Variants in NTNG1 observed in about 807,000 individuals in gnomAD.
NTNG1 encodes netrin-G1.
A neutral mutation model predicts 54.0 loss-of-function variants in NTNG1; 16 were observed. That is an observed-to-expected ratio of 0.30 (90% CI 0.20 to 0.45). The LOEUF (loss-of-function observed/expected upper bound fraction) is 0.45. Ranked by LOEUF, NTNG1 falls within the 20% of genes least tolerant of loss-of-function variation. The pLI is 1.00. For missense variants in NTNG1, 530 were observed against 678.7 expected, an observed-to-expected ratio of 0.78 and a Z score of 2.43; for synonymous variants, 255 against 263.1, an observed-to-expected ratio of 0.97 and a Z score of 0.30.
chr1:107,394,250 G>A (rs1400213350), intron 3 of NTNG1, among the ~76,000 whole-genome samples: 1 of 152,122 alleles, frequency 6.6e-6, no homozygotes, highest in Admixed American at 6.6e-5. Flanking sequence ...TTTATATCCT[G>A]CTGCCTCAAC....
chr1:107,468,381 A>G (rs1048285583), intron 7 of NTNG1, among the ~76,000 whole-genome samples: 19 of 152,196 alleles, frequency 1.2e-4, no homozygotes, highest in Non-Finnish European at 2.9e-5. Context: ...TGAATTGATG[A>G]CACAATTATC....
chr1:107,278,613 A>G lies in NTNG1; in HGVS notation c.247-45669A>G, dbSNP rs1012095076. Among the ~76,000 whole-genome samples, 3 of 152,218 alleles carry G rather than the reference A, an allele frequency of 2.0e-5. No individual in the cohort carries two copies. In the South Asian group the frequency reaches 6.2e-4, roughly 32 times the overall value. ...CTTTTCTGTTTTTGTTCTTATGGTG[A>G]ATTTATCTCCATAACCTCTCTTTCA... is the stretch of plus-strand genomic sequence containing the variant. On this transcript the variant is annotated intron_variant, in intron 2 of 7. Transcript: ENST00000370068.
chr1:107,311,524 CT>C (rs1268071456), intron 2 of NTNG1, among the ~76,000 whole-genome samples: 17 of 151,632 alleles, frequency 1.1e-4, no homozygotes, highest in African/African-American at 3.4e-4. Flanking sequence ...TGGAGTTGGA[CT>C]TTTTTTTTCT....
At position 107,469,446 on chromosome 1, in the gene NTNG1, T is replaced by A. The variant is rs1216833984; in HGVS notation, c.1391-11165T>A. On this transcript the variant is annotated intron_variant, in intron 7 of 7. Coordinates refer to ENST00000370068, the MANE Select transcript of NTNG1 (RefSeq NM_001113226.3). Reference sequence around the variant, plus strand: ...GACATCCACCATTCGGAAACAGGCATACAACAAAATTTTATTTATTTTATT... The same window carrying A: ...GACATCCACCATTCGGAAACAGGCAAACAACAAAATTTTATTTATTTTATT... Among the ~76,000 whole-genome samples the A allele has an allele frequency of 2.6e-5, 4 of 152,300 alleles. No homozygotes were observed. The East Asian group carries it at 5.8e-4, about 22-fold the overall frequency.
chr1:107,447,232 T>C (rs1676360204), intron 7 of NTNG1, among the ~76,000 whole-genome samples: 1 of 152,216 alleles, frequency 6.6e-6, no homozygotes, highest in Non-Finnish European at 1.5e-5. Context: ...TTAGCCTATG[T>C]GTTAACCCAT....
At chr1:107,145,930 T>C (rs1654074253) in intron 1 of NTNG1, among the ~76,000 whole-genome samples, 1 of 152,122 alleles carries the variant, frequency 6.6e-6, no homozygotes, top group Admixed American at 6.6e-5. Flanking sequence ...GGTTCACATA[T>C]ATTTCCTTAG....
chr1:107,182,957 T>C (rs149233326), intron 2 of NTNG1, among the ~76,000 whole-genome samples: 3 of 152,298 alleles, frequency 2.0e-5, no homozygotes, highest in Non-Finnish European at 4.4e-5. Context: ...TCCAGTGATA[T>C]TAAGGTCACA....
chr1:107,174,247 A>G (rs900724744), intron 2 of NTNG1, among the ~76,000 whole-genome samples: 1 of 152,038 alleles, frequency 6.6e-6, no homozygotes, highest in South Asian at 2.1e-4. Context: ...ATTGCCCCCA[A>G]TTTAAAAATG....
At chr1:107,451,016 G>C (rs1294628894) in intron 7 of NTNG1, among the ~76,000 whole-genome samples, 1 of 151,894 alleles carries the variant, frequency 6.6e-6, no homozygotes, top group Admixed American at 6.6e-5. Flanking sequence ...ACTATTATCA[G>C]CTTGGTGACT....
intron 2 of NTNG1, among the ~76,000 whole-genome samples, chr1:107,207,907 G>T (rs559086780): frequency 1.4e-4 from 21 of 152,146 alleles, no homozygotes; most frequent in Non-Finnish European, 1.6e-4. Context: ...AGCAGCCACA[G>T]CATGGCAGCT....
At chr1:107,465,088 A>C (rs144278917) in intron 7 of NTNG1, among the ~76,000 whole-genome samples, 1 of 152,280 alleles carries the variant, frequency 6.6e-6, no homozygotes, top group East Asian at 1.9e-4. Flanking sequence ...GACTTTTTTG[A>C]AACCAGTACT....
At chr1:107,410,659 T>C (rs535205287) in intron 5 of NTNG1, 2 of 152,190 alleles carry the variant, frequency 1.3e-5, no homozygotes, top group Non-Finnish European at 2.9e-5. Context: ...TAATAAAGTG[T>C]ATTATGCACT....
rs770103715 is a variant in NTNG1, at chr1:107,436,771, G to T, written c.1362G>T (p.Pro454=). 1 of 1,613,116 alleles carries T rather than the reference G, an allele frequency of 6.2e-7. No homozygotes were observed. Among genetic ancestry groups the T allele is most frequent in the South Asian group, 1.1e-5 (1 of 91,040 alleles). Residue 454 remains proline, a synonymous_variant, in exon 7 of 8, where the codon CCG becomes CCT. Coordinates refer to ENST00000370068, the MANE Select transcript of NTNG1 (RefSeq NM_001113226.3). ...TTGPKCDECL[P]GNSWHYGCQP... ...GGCCTAAGTGTGATGAGTGTCTGCC[G>T]GGAAATTCCTGGCACTACGGCTGTC... is the stretch of plus-strand genomic sequence containing the variant.
intron 2 of NTNG1, among the ~76,000 whole-genome samples, chr1:107,261,667 C>T (rs1570523993): frequency 1.3e-5 from 2 of 152,082 alleles, no homozygotes; most frequent in Admixed American, 1.3e-4. Flanking sequence ...CACAGTGAAA[C>T]CCCGTCTCTA....
chr1:107,292,761 G>A (rs1570602605), intron 2 of NTNG1, among the ~76,000 whole-genome samples: 2 of 152,070 alleles, frequency 1.3e-5, no homozygotes, highest in South Asian at 4.2e-4. Context: ...CATACGGACA[G>A]CCCACCCCAG....
intron 7 of NTNG1, among the ~76,000 whole-genome samples, chr1:107,439,053 G>A (rs1265715017): frequency 6.6e-6 from 1 of 152,140 alleles, no homozygotes; most frequent in Non-Finnish European, 1.5e-5. Flanking sequence ...TGGACATGTG[G>A]ACATGGAGTT....
chr1:107,339,371 A>G (rs1160149201), intron 3 of NTNG1, among the ~76,000 whole-genome samples: 1 of 152,118 alleles, frequency 6.6e-6, no homozygotes, highest in Non-Finnish European at 1.5e-5. Context: ...GACCCTGGCA[A>G]CTGCCTTCTT....
intron 7 of NTNG1, among the ~76,000 whole-genome samples, chr1:107,439,092 C>T (rs368787219): frequency 3.9e-5 from 6 of 152,088 alleles, no homozygotes; most frequent in Admixed American, 2.0e-4. Flanking sequence ...CCAACAATTA[C>T]GATAGAAGGT....
chr1:107,224,595 T>C (rs754944591), intron 2 of NTNG1, among the ~76,000 whole-genome samples: 4 of 152,078 alleles, frequency 2.6e-5, no homozygotes, highest in Non-Finnish European at 2.9e-5. Context: ...GTAGCTTCTT[T>C]TGTGGTCAGA....
Sources: allele counts gnomAD v4.1 joint callset (sites outside exome capture counted in the v4.1 genomes callset), GRCh38; gene constraint gnomAD v4.1.1; transcripts MANE v1.5; gene names NCBI Gene and HGNC (gene_info 2026-07-23, HGNC 2026-07-21).